Variants in ANKS1B observed in about 807,000 individuals in gnomAD.
ANKS1B encodes ankyrin repeat and sterile alpha motif domain-containing protein 1B.
Under a neutral mutation model 148.3 loss-of-function variants are expected in ANKS1B, and 36 were observed. That is an observed-to-expected ratio of 0.24 (90% CI 0.19 to 0.32). The LOEUF (loss-of-function observed/expected upper bound fraction) is 0.32. ANKS1B is among the 10% of genes least tolerant of loss of function. ANKS1B has a pLI of 1.00. For missense variants in ANKS1B, 1,157 were observed against 1,542.6 expected (o/e 0.75, Z 4.19); for synonymous variants, 542 against 560.8 (o/e 0.97, Z 0.47).
At chr12:99,948,832 A>T (rs774229650) in intron 1 of ANKS1B, among the ~76,000 whole-genome samples, 13 of 152,198 alleles carry the variant, frequency 8.5e-5, no homozygotes, top group Non-Finnish European at 1.6e-4. Flanking sequence ...TCAGCTAAGG[A>T]TCAGCACTGT....
intron 11 of ANKS1B, among the ~76,000 whole-genome samples, chr12:99,405,317 C>G (rs1482298139): frequency 6.9e-6 from 1 of 144,488 alleles, no homozygotes; most frequent in Non-Finnish European, 1.5e-5. Context: ...CTGATAATAA[C>G]AAGTATGAAA....
chr12:98,748,119 G>T (rs77778079), intron 26 of ANKS1B, among the ~76,000 whole-genome samples: 10 of 152,112 alleles, frequency 6.6e-5, no homozygotes, highest in African/African-American at 2.2e-4. Context: ...CAATACAAAA[G>T]AAAAATATTT....
intron 1 of ANKS1B, among the ~76,000 whole-genome samples, chr12:99,882,539 G>T (rs1009256758): frequency 6.6e-6 from 1 of 152,168 alleles, no homozygotes; most frequent in Non-Finnish European, 1.5e-5. Context: ...TACTTACAGG[G>T]AAGCAATGAT....
intron 12 of ANKS1B, among the ~76,000 whole-genome samples, chr12:99,350,701 G>A (rs2091312334): frequency 6.6e-6 from 1 of 152,066 alleles, no homozygotes; most frequent in Non-Finnish European, 1.5e-5. Context: ...CTGTGTGAAT[G>A]CCTAACTTGT....
intron 6 of ANKS1B, among the ~76,000 whole-genome samples, chr12:99,777,552 A>G (rs922956846): frequency 1.3e-5 from 2 of 151,924 alleles, no homozygotes; most frequent in East Asian, 1.9e-4. Flanking sequence ...TATTACACAC[A>G]TGCTTCAGTT....
At chr12:98,815,682 C>T (rs1362052632) in intron 19 of ANKS1B, among the ~76,000 whole-genome samples, 1 of 152,140 alleles carries the variant, frequency 6.6e-6, no homozygotes, top group Non-Finnish European at 1.5e-5. Context: ...ATTTTTTTTC[C>T]AGTTCCTCAG....
In ANKS1B at chr12:99,460,732, CAA is replaced by C. The variant is rs201364516; in HGVS notation, c.1439-16925_1439-16924del. ...ACTCCTGCAAGAATGGCCATAATAA[CAA>C]AAAAAAAAAATGGATGTTAACATGG... On this transcript the variant is annotated intron_variant, in intron 10 of 26. Coordinates refer to ENST00000683438, the MANE Select transcript of ANKS1B (RefSeq NM_001352186.2). Among the ~76,000 whole-genome samples, 172 of 142,536 alleles carry C rather than the reference CAA, an allele frequency of 1.2e-3. 1 individual carries two copies. The highest frequency in any genetic ancestry group is 3.9e-3 in the African/African-American group (157 of 40,266). 93.5% of individuals were successfully genotyped at this position (142,536 alleles called of 152,430 possible).
intron 12 of ANKS1B, among the ~76,000 whole-genome samples, chr12:99,391,990 TACCA>T (rs1383778168): frequency 6.6e-6 from 1 of 152,258 alleles, no homozygotes; most frequent in Non-Finnish European, 1.5e-5. Flanking sequence ...GTACTGAACT[TACCA>T]ACCAATAACT....
intron 9 of ANKS1B, chr12:99,649,170 G>A: frequency 1.3e-6 from 1 of 799,016 alleles, no homozygotes. Flanking sequence ...TATATACATT[G>A]GTGGCAACAC....
intron 12 of ANKS1B, among the ~76,000 whole-genome samples, chr12:99,314,640 C>A (rs974128978): frequency 1.3e-5 from 2 of 152,106 alleles, no homozygotes; most frequent in African/African-American, 4.8e-5. Context: ...TGATCTTTGA[C>A]AAGCCTGACA....
chr12:99,495,801 C>T (rs1410529967), intron 10 of ANKS1B, among the ~76,000 whole-genome samples: 1 of 152,124 alleles, frequency 6.6e-6, no homozygotes, highest in East Asian at 1.9e-4. Flanking sequence ...TTGTTCTAGT[C>T]CAGTCTGAAT....
intron 4 of ANKS1B, among the ~76,000 whole-genome samples, chr12:99,785,676 G>A (rs563500043): frequency 2.1e-4 from 32 of 152,104 alleles, no homozygotes; most frequent in Admixed American, 4.6e-4. Context: ...CAAATGATCC[G>A]CCCACGTCAG....
At chr12:99,720,276 C>T (rs555665023) in intron 8 of ANKS1B, among the ~76,000 whole-genome samples, 3 of 152,292 alleles carry the variant, frequency 2.0e-5, no homozygotes, top group South Asian at 2.1e-4. Context: ...TCACATGCCC[C>T]GAGTCAGAAA....
intron 8 of ANKS1B, among the ~76,000 whole-genome samples, chr12:99,715,468 G>C (rs2057188879): frequency 6.6e-6 from 1 of 151,874 alleles, no homozygotes; most frequent in Non-Finnish European, 1.5e-5. Flanking sequence ...TTATAAAACG[G>C]CCCCACCCCT....
chr12:99,709,219 T>C (rs1360708282), intron 8 of ANKS1B, among the ~76,000 whole-genome samples: 1 of 152,120 alleles, frequency 6.6e-6, no homozygotes, highest in Non-Finnish European at 1.5e-5. Context: ...ATACTAAAAG[T>C]GAACACTTAA....
At chr12:99,194,154 C>T (rs113879672) in intron 14 of ANKS1B, among the ~76,000 whole-genome samples, 2 of 151,930 alleles carry the variant, frequency 1.3e-5, no homozygotes, top group African/African-American at 4.8e-5. Flanking sequence ...TAAGTTTAAC[C>T]AGAATACATT....
rs554376904 is a variant in ANKS1B, at chr12:98,811,008, G to T, written c.3067-3090C>A. On this transcript the variant is annotated intron_variant, in intron 19 of 26. Coordinates refer to ENST00000683438, the MANE Select transcript of ANKS1B (RefSeq NM_001352186.2). ...AAGCTCTACCTACTTCATGTGTTTA[G>T]TTGGGGAGGAAGAAACAGGAAAAGG... 2.0e-5 allele frequency among the ~76,000 whole-genome samples: 3 copies of T among 152,288 alleles called. No homozygotes were observed. The East Asian group carries it at 5.8e-4, about 29-fold the overall frequency.
chr12:99,893,500 A>G (rs2093229496), intron 1 of ANKS1B, among the ~76,000 whole-genome samples: 1 of 152,136 alleles, frequency 6.6e-6, no homozygotes, highest in South Asian at 2.1e-4. Flanking sequence ...TTCATGAAGC[A>G]GTGGTGAATC....
intron 17 of ANKS1B, among the ~76,000 whole-genome samples, chr12:98,993,546 A>G (rs1219114429): frequency 1.3e-5 from 2 of 151,770 alleles, no homozygotes; most frequent in Non-Finnish European, 2.9e-5. Flanking sequence ...TCCATTTCGT[A>G]TATTTATCAG....
Sources: gnomAD v4.1 joint callset for allele counts (sites outside exome capture counted in the v4.1 genomes callset) on GRCh38, gnomAD v4.1.1 for gene constraint, MANE v1.5 for transcripts, NCBI Gene and HGNC (gene_info 2026-07-23, HGNC 2026-07-21) for gene names.